The following CNTN1 variants were observed in gnomAD, a reference collection of about 807,000 sequenced individuals.
CNTN1 encodes contactin 1, also known as contactin-1.
Under a neutral mutation model 126.4 loss-of-function variants are expected in CNTN1, and 38 were observed. That is an observed-to-expected ratio of 0.30 (90% CI 0.23 to 0.39). The LOEUF is 0.39. Ranked by LOEUF, CNTN1 falls within the 10% of genes least tolerant of loss-of-function variation. CNTN1 has a pLI of 1.00. For missense variants in CNTN1, 1,009 were observed against 1,248.4 expected, an observed-to-expected ratio of 0.81 and a Z score of 2.89; for synonymous variants, 413 against 422.6, an observed-to-expected ratio of 0.98 and a Z score of 0.28.
chr12:40,947,837 T>A, intron 14 of CNTN1, among the ~76,000 whole-genome samples: 2 of 145,746 alleles, frequency 1.4e-5, no homozygotes, highest in African/African-American at 2.5e-5. Context: ...ACATATGTAT[T>A]ACTCTTATTA....
chr12:40,978,150 G>A (rs1261890000), intron 15 of CNTN1, among the ~76,000 whole-genome samples: 1 of 152,028 alleles, frequency 6.6e-6, no homozygotes, highest in African/African-American at 2.4e-5. Context: ...TTTTACAGAT[G>A]AGTAAACAGG....
At chr12:40,887,408 A>G (rs991691745) in intron 1 of CNTN1, among the ~76,000 whole-genome samples, 6 of 152,218 alleles carry the variant, frequency 3.9e-5, no homozygotes, top group Non-Finnish European at 8.8e-5. Context: ...AAAACACATG[A>G]AAAAATGCTC....
At chr12:40,924,749 CTTA>C (rs1459983540) in intron 6 of CNTN1, 97 bp downstream of exon 6, 11 of 719,196 alleles carry the variant, frequency 1.5e-5, no homozygotes, top group East Asian at 2.7e-5. Flanking sequence ...ATAATCATGG[CTTA>C]TTATTAATTA....
At chr12:40,732,766 A>G (rs1007836336) in intron 1 of CNTN1, among the ~76,000 whole-genome samples, 24 of 152,116 alleles carry the variant, frequency 1.6e-4, no homozygotes, top group Admixed American at 1.5e-3. Flanking sequence ...AATTAATTCT[A>G]TAAAAATCCT....
chr12:40,834,715 T>G (rs373583294), intron 1 of CNTN1, among the ~76,000 whole-genome samples: 1 of 152,254 alleles, frequency 6.6e-6, no homozygotes, highest in Non-Finnish European at 1.5e-5. Context: ...AGAAAACAAC[T>G]ACAATTGTCC....
At chr12:41,016,654 C>G in intron 18 of CNTN1, 28 bp from the exon 19 acceptor site, 1 of 1,457,492 alleles carries the variant, frequency 6.9e-7, no homozygotes, top group Non-Finnish European at 9.6e-7. Flanking sequence ...ATTACTAAAA[C>G]CTACTCAATC....
chr12:40,888,986 C>T (rs1193095655), intron 1 of CNTN1, among the ~76,000 whole-genome samples: 1 of 152,240 alleles, frequency 6.6e-6, no homozygotes, highest in Non-Finnish European at 1.5e-5. Flanking sequence ...GCGTTCAGGC[C>T]TGTGCCAGGG....
intron 23 of CNTN1, among the ~76,000 whole-genome samples, chr12:41,067,834 G>A (rs1442814789): frequency 6.6e-6 from 1 of 151,918 alleles, no homozygotes; most frequent in African/African-American, 2.4e-5. Flanking sequence ...AGGTTTTACT[G>A]TGTGATTGAG....
At chr12:40,863,894 G>C (rs1943197261) in intron 1 of CNTN1, among the ~76,000 whole-genome samples, 1 of 147,644 alleles carries the variant, frequency 6.8e-6, no homozygotes, top group African/African-American at 2.7e-5. Context: ...TGGAGGATTA[G>C]GTGGGATCTG....
At chr12:40,909,936 G>A in intron 2 of CNTN1, 137 bp from the exon 3 acceptor site, 1 of 652,770 alleles carries the variant, frequency 1.5e-6, no homozygotes, top group South Asian at 1.8e-5. Context: ...GCACAGATGT[G>A]AAGATACTTC....
chr12:40,730,138 T>C (rs74777147), intron 1 of CNTN1, among the ~76,000 whole-genome samples: 2,586 of 152,282 alleles, frequency 0.017, 75 homozygotes, highest in African/African-American at 0.059. Context: ...TCTAAATCTT[T>C]CTACACACCC....
chr12:40,985,499 C>G (rs1328460530), intron 16 of CNTN1, among the ~76,000 whole-genome samples: 4 of 151,998 alleles, frequency 2.6e-5, no homozygotes, highest in African/African-American at 9.7e-5. Context: ...ATCCAAATTG[C>G]TCTTCATTTT....
At chr12:41,003,157 T>A (rs1360071811) in intron 17 of CNTN1, among the ~76,000 whole-genome samples, 1 of 152,266 alleles carries the variant, frequency 6.6e-6, no homozygotes, top group Admixed American at 6.5e-5. Flanking sequence ...CATGACGGGG[T>A]GTTGAATTTT....
At chr12:40,912,808 A>C (rs1592246213) in intron 3 of CNTN1, among the ~76,000 whole-genome samples, 1 of 152,216 alleles carries the variant, frequency 6.6e-6, no homozygotes, top group Non-Finnish European at 1.5e-5. Flanking sequence ...TTGACATTTT[A>C]TAGCAGTCAG....
At chr12:40,924,514 T>C in intron 5 of CNTN1, 43 bp from the exon 6 acceptor site, 1 of 1,021,446 alleles carries the variant, frequency 9.8e-7, no homozygotes, top group Non-Finnish European at 1.5e-6. Flanking sequence ...CTCTTTCTAT[T>C]GACCAGAGAG....
chr12:40,709,924 G>A (rs1941868741), intron 1 of CNTN1, among the ~76,000 whole-genome samples: 1 of 152,054 alleles, frequency 6.6e-6, no homozygotes, highest in African/African-American at 2.4e-5. Context: ...TCTTATTTGT[G>A]TGTACACTAA....
At position 41,025,192 on chromosome 12, in the gene CNTN1, A is replaced by C; in HGVS notation, c.2566A>C (p.Arg856=). 1 of 1,614,014 alleles carries C rather than the reference A, an allele frequency of 6.2e-7. No homozygotes were observed. Among genetic ancestry groups the C allele is most frequent in the East Asian group, 2.2e-5 (1 of 44,862 alleles). The change falls in exon 21 of 24, where the codon AGA becomes CGA. Residue 856 remains arginine, a synonymous_variant. Coordinates refer to ENST00000551295, the MANE Select transcript of CNTN1 (RefSeq NM_001843.4). ...CCATGACAAAGAAGAAGCTGCAAAC[A>C]GAGTTCAAGTCACCAGCCAAGAGTA... ...AAHDKEEAAN[R]VQVTSQEYSA...
chr12:40,760,257 T>A (rs1389522852), intron 1 of CNTN1, among the ~76,000 whole-genome samples: 1 of 152,204 alleles, frequency 6.6e-6, no homozygotes, highest in Non-Finnish European at 1.5e-5. Flanking sequence ...ATTTAAGGTT[T>A]CTGAATTTTT....
chr12:40,768,391 T>C (rs1939205935), intron 1 of CNTN1, among the ~76,000 whole-genome samples: 1 of 150,480 alleles, frequency 6.6e-6, no homozygotes, highest in Non-Finnish European at 1.5e-5. Flanking sequence ...AACACCTGTT[T>C]GTACTGCTTT....
Sources: gnomAD v4.1 joint callset for allele counts (sites outside exome capture counted in the v4.1 genomes callset) on GRCh38, gnomAD v4.1.1 for gene constraint, MANE v1.5 for transcripts, NCBI Gene and HGNC (gene_info 2026-07-23, HGNC 2026-07-21) for gene names.